Variants in MYBL2 observed in about 807,000 individuals in gnomAD.
MYBL2 encodes myb-related protein B.
Under a neutral mutation model 79.9 loss-of-function variants are expected in MYBL2, and 28 were observed. The ratio of observed to expected loss-of-function variants is 0.35; its 90% CI spans 0.26 to 0.48. The LOEUF is 0.48. Among genes scored for constraint, MYBL2 ranks in the 20% least tolerant of loss-of-function variants. MYBL2 has a pLI of 0.99. For synonymous variants in MYBL2, 378 were observed against 361.2 expected, an observed-to-expected ratio of 1.05 and a Z score of -0.53; for missense variants, 735 against 893.9, an observed-to-expected ratio of 0.82 and a Z score of 2.27.
chr20:43,679,707 C>T (rs145759097), intron 2 of MYBL2, among the ~76,000 whole-genome samples: 7 of 152,032 alleles, frequency 4.6e-5, no homozygotes, highest in African/African-American at 1.7e-4. Flanking sequence ...TTGAGGCAGT[C>T]TAGACCAGCC....
At chr20:43,708,094 C>T (rs1421927486) in intron 9 of MYBL2, among the ~76,000 whole-genome samples, 5 of 149,800 alleles carry the variant, frequency 3.3e-5, no homozygotes, top group African/African-American at 1.3e-4. Context: ...TCAAGTCAGC[C>T]TCCCTGCCTC....
At chr20:43,680,685 G>A (rs1029122844) in intron 2 of MYBL2, among the ~76,000 whole-genome samples, 1 of 151,710 alleles carries the variant, frequency 6.6e-6, no homozygotes, top group African/African-American at 2.4e-5. Flanking sequence ...AATAGAGATG[G>A]GGTTTCGCCA....
chr20:43,699,303 C>T (rs1482178495), intron 6 of MYBL2, among the ~76,000 whole-genome samples: 2 of 152,028 alleles, frequency 1.3e-5, no homozygotes, highest in Non-Finnish European at 2.9e-5. Context: ...GCCTCGACCT[C>T]CCAAAGTGTT....
chr20:43,667,449 C>T, intron 1 of MYBL2, 146 bp downstream of exon 1: 1 of 534,076 alleles, frequency 1.9e-6, no homozygotes, highest in Non-Finnish European at 2.7e-6. Flanking sequence ...GGAAATGCTG[C>T]GTCCTGGGCC....
intron 1 of MYBL2, among the ~76,000 whole-genome samples, chr20:43,668,879 A>G (rs538245666): frequency 1.3e-5 from 2 of 151,344 alleles, no homozygotes; most frequent in South Asian, 4.2e-4. Context: ...TTATTTAATT[A>G]TTTAGGAGAC....
chr20:43,706,127 C>T (rs1987777759), intron 9 of MYBL2, among the ~76,000 whole-genome samples: 1 of 152,152 alleles, frequency 6.6e-6, no homozygotes, highest in Non-Finnish European at 1.5e-5. Context: ...GCACCTGGCC[C>T]TCATTTGATA....
chr20:43,681,500 C>G (rs999977392), intron 2 of MYBL2, among the ~76,000 whole-genome samples: 1 of 152,152 alleles, frequency 6.6e-6, no homozygotes, highest in African/African-American at 2.4e-5. Context: ...CCTTAGTGTC[C>G]CTGAGTAGGC....
intron 9 of MYBL2, among the ~76,000 whole-genome samples, chr20:43,709,436 T>A (rs924353785): frequency 2.6e-5 from 4 of 152,200 alleles, no homozygotes; most frequent in African/African-American, 9.6e-5. Flanking sequence ...ATAGTTCTGC[T>A]TCTGGACCAG....
At chr20:43,686,756 C>T in intron 4 of MYBL2, 96 bp from the exon 5 acceptor site, 1 of 1,257,878 alleles carries the variant, frequency 7.9e-7, no homozygotes, top group Non-Finnish European at 1.1e-6. Context: ...GGTGGCACCT[C>T]TCAGGGCCAT....
intron 4 of MYBL2, among the ~76,000 whole-genome samples, chr20:43,685,370 G>A (rs1248940052): frequency 1.3e-4 from 19 of 151,338 alleles, no homozygotes; most frequent in African/African-American, 2.4e-5. Flanking sequence ...TAGTAGAGAC[G>A]GGGTTTTGCC....
intron 2 of MYBL2, among the ~76,000 whole-genome samples, chr20:43,675,374 C>T (rs1374917992): frequency 2.6e-5 from 4 of 150,956 alleles, no homozygotes; most frequent in African/African-American, 4.9e-5. Context: ...AGTGCAATGG[C>T]GTGATCTCCA....
At chr20:43,689,083 A>T (rs1304944495) in intron 5 of MYBL2, among the ~76,000 whole-genome samples, 1 of 152,124 alleles carries the variant, frequency 6.6e-6, no homozygotes, top group Non-Finnish European at 1.5e-5. Flanking sequence ...GAGCCACCGC[A>T]CCTGGCCCTA....
chr20:43,684,838 TA>T (rs3091560), intron 4 of MYBL2, among the ~76,000 whole-genome samples: 126,368 of 140,860 alleles, frequency 0.9, 56,755 homozygotes, highest in African/African-American at 0.96. Flanking sequence ...CCCTGTCTCT[TA>T]AAAAAAAAAA....
At chr20:43,689,380 C>G (rs1987353924) in intron 5 of MYBL2, among the ~76,000 whole-genome samples, 1 of 152,122 alleles carries the variant, frequency 6.6e-6, no homozygotes, top group African/African-American at 2.4e-5. Context: ...TTCTTTCCCC[C>G]CATGGCCTGT....
chr20:43,714,068 A>C (rs1368189171), intron 12 of MYBL2, among the ~76,000 whole-genome samples: 1 of 152,176 alleles, frequency 6.6e-6, no homozygotes, highest in African/African-American at 2.4e-5. Flanking sequence ...TACTGCAAAG[A>C]AAAAAACATC....
chr20:43,680,485 ATTTTCTTTCTT>A (rs1987117397), intron 2 of MYBL2, among the ~76,000 whole-genome samples: 1 of 151,808 alleles, frequency 6.6e-6, no homozygotes, highest in Admixed American at 6.6e-5. Context: ...TATGCATGAC[ATTTTCTTTCTT>A]TTTTCTTTTG....
chr20:43,668,236 T>C (rs1986771252), intron 1 of MYBL2, among the ~76,000 whole-genome samples: 2 of 147,436 alleles, frequency 1.4e-5, no homozygotes, highest in Non-Finnish European at 3.0e-5. Flanking sequence ...AGTCTCGCTC[T>C]GATGCCCAGG....
intron 11 of MYBL2, 93 bp downstream of exon 11, chr20:43,711,694 G>A (rs965164325): frequency 7.8e-6 from 9 of 1,157,404 alleles, no homozygotes; most frequent in East Asian, 2.6e-5. Context: ...AAAGTGAGGC[G>A]CTGGGGAGAA....
intron 1 of MYBL2, among the ~76,000 whole-genome samples, chr20:43,672,982 C>T (rs538770729): frequency 3.3e-5 from 5 of 152,096 alleles, no homozygotes; most frequent in Non-Finnish European, 4.4e-5. Flanking sequence ...CTTGCTTTGT[C>T]ACCCAGGCTG....
Sources: gnomAD v4.1 joint callset for allele counts (sites outside exome capture counted in the v4.1 genomes callset) on GRCh38, gnomAD v4.1.1 for gene constraint, MANE v1.5 for transcripts, NCBI Gene and HGNC (gene_info 2026-07-23, HGNC 2026-07-21) for gene names.